Variants in SCEL observed in about 807,000 individuals in gnomAD.
The protein encoded by SCEL is sciellin.
Under a neutral mutation model 117.6 loss-of-function variants are expected in SCEL, and 113 were observed. That is an observed-to-expected ratio of 0.96 (90% CI 0.83 to 1.12). The LOEUF (loss-of-function observed/expected upper bound fraction) is 1.12. Among genes scored for constraint, SCEL ranks in the 50% most tolerant of loss-of-function variants. SCEL has a pLI of 0.00. For synonymous variants in SCEL, 270 were observed against 256.2 expected (o/e 1.05, Z -0.51); for missense variants, 785 against 810.8 (o/e 0.97, Z 0.39).
Position 77,628,669 on chromosome 13 carries a change from T to C in SCEL, c.1691+660T>C, listed in dbSNP as rs138752560. 4.6e-5 allele frequency among the ~76,000 whole-genome samples: 7 copies of C among 152,282 alleles called. No homozygotes were observed. The East Asian group carries it at 9.6e-4, about 21-fold the overall frequency. ...GAATACTAAACACAATAGGTTACCATTTTCACCTTCATAGGTGCAGTTACC... is the reference window on the plus strand; with the variant it reads ...GAATACTAAACACAATAGGTTACCACTTTCACCTTCATAGGTGCAGTTACC... On this transcript the variant is annotated intron_variant, in intron 28 of 32. Transcript: ENST00000349847.
chr13:77,596,356 C>T, intron 12 of SCEL, among the ~76,000 whole-genome samples: 1 of 151,744 alleles, frequency 6.6e-6, no homozygotes, highest in Non-Finnish European at 1.5e-5. Flanking sequence ...GTATAGCAAG[C>T]ATTTATTAAA....
Position 77,640,753 on chromosome 13 carries a change from T to C in SCEL, c.1916T>C (p.Leu639Ser), listed in dbSNP as rs750774718. ...GAAACTAAAATGATTTTAGATGAAT[T>C]ACAAATTTGCTGCCATTCTACTTGC... is the stretch of plus-strand genomic sequence containing the variant. The part of the protein sequence containing the change: ...GVETKMILDE[L>S]QICCHSTCFK... The change falls in exon 31 of 33, where the codon TTA becomes TCA. Residue 639 changes from leucine (L) to serine (S), a missense_variant. Coordinates refer to ENST00000349847, the MANE Select transcript of SCEL (RefSeq NM_144777.3). 6 of 1,601,828 alleles carry C rather than the reference T, an allele frequency of 3.7e-6. No individual in the cohort carries two copies. In the South Asian group the frequency reaches 6.7e-5, roughly 18 times the overall value.
Position 77,557,162 on chromosome 13 carries a change from C to T in SCEL, c.161+449C>T, listed in dbSNP as rs2084707872. Reference sequence around the variant, plus strand: ...CAAGAGAAATTTAAAAAATTACCGACTTATTTTAGTTCCATCTACTTCTAA... The same window carrying T: ...CAAGAGAAATTTAAAAAATTACCGATTTATTTTAGTTCCATCTACTTCTAA... On this transcript the variant is annotated intron_variant, in intron 3 of 32. Coordinates refer to ENST00000349847, the MANE Select transcript of SCEL (RefSeq NM_144777.3). 1.3e-5 allele frequency among the ~76,000 whole-genome samples: 2 copies of T among 152,114 alleles called. 1 individual carries two copies. Among genetic ancestry groups the T allele is most frequent in the South Asian group, 4.1e-4 (2 of 4,830 alleles).
chr13:77,539,755 C>T (rs1476086748), intron 1 of SCEL, among the ~76,000 whole-genome samples: 1 of 152,064 alleles, frequency 6.6e-6, no homozygotes, highest in African/African-American at 2.4e-5. Context: ...AGGATGGTCT[C>T]GATCTCCTGA....
chr13:77,560,632 A>T (rs565777370), intron 4 of SCEL, among the ~76,000 whole-genome samples: 12 of 152,334 alleles, frequency 7.9e-5, no homozygotes, highest in Admixed American at 5.9e-4. Context: ...ATCAAAGCAA[A>T]TTAGTAGAAA....
intron 27 of SCEL, among the ~76,000 whole-genome samples, chr13:77,618,866 A>T (rs1375120154): frequency 6.6e-6 from 1 of 152,186 alleles, no homozygotes; most frequent in East Asian, 1.9e-4. Context: ...AATATTCATG[A>T]TCTTCAAAAT....
Position 77,645,083 on chromosome 13 carries a change from T to C in SCEL, c.*809T>C, listed in dbSNP as rs556767782. 4.0e-5 allele frequency: 5 copies of C among 126,140 alleles called. No individual in the cohort carries two copies. Among genetic ancestry groups the C allele is most frequent in the African/African-American group, 9.5e-5 (3 of 31,622 alleles). The allele number at this position is 126,140 out of a possible 1,614,324, so 7.8% of individuals were successfully genotyped here. ...AAATATGACATGTATAGCTTACATG[T>C]TATTATTTGTTAAATTTTCTTTGTA... On this transcript the variant is annotated 3_prime_UTR_variant, in exon 33 of 33. Coordinates refer to ENST00000349847, the MANE Select transcript of SCEL (RefSeq NM_144777.3).
chr13:77,602,302 G>A, intron 16 of SCEL, 178 bp downstream of exon 16: 1 of 520,318 alleles, frequency 1.9e-6, no homozygotes, highest in Middle Eastern at 3.0e-4. Flanking sequence ...CCTCTGATTT[G>A]AGTTACATTG....
At chr13:77,561,591 G>A (rs2084979269) in intron 4 of SCEL, among the ~76,000 whole-genome samples, 2 of 152,202 alleles carry the variant, frequency 1.3e-5, no homozygotes, top group Non-Finnish European at 2.9e-5. Flanking sequence ...CAGCCACTTT[G>A]GAGCACCTGC....
chr13:77,624,131 G>A (rs2089590364), intron 27 of SCEL, among the ~76,000 whole-genome samples: 2 of 138,016 alleles, frequency 1.4e-5, no homozygotes, highest in South Asian at 2.3e-4. Flanking sequence ...TTGAGATGGA[G>A]TCTCACCCTC....
chr13:77,624,198 C>T (rs151002635), intron 27 of SCEL, among the ~76,000 whole-genome samples: 24 of 151,406 alleles, frequency 1.6e-4, no homozygotes, highest in African/African-American at 5.1e-4. Context: ...TCCTCCTCCC[C>T]CAGTTCACAC....
chr13:77,572,179 A>G lies in SCEL; in HGVS notation c.535A>G (p.Thr179Ala). 6.2e-7 allele frequency: 1 copy of G among 1,611,322 alleles called. No individual in the cohort carries two copies. Among genetic ancestry groups the G allele is most frequent in the South Asian group, 1.1e-5 (1 of 90,568 alleles). ...TTACAATGCCTCCTCGAGCACAGGA[A>G]CCAGGAGACGGTAAGGGAAAGGTGT... Reference protein sequence around the residue: ...PGYNASSSTGTRRREPGVHPP... With the variant: ...PGYNASSSTGARRREPGVHPP... Residue 179 changes from threonine (T) to alanine (A), a missense_variant, in exon 9 of 33, where the codon ACC (threonine) becomes GCC (alanine). Thr to Ala is a moderately conservative substitution (Grantham distance 58). Transcript: ENST00000349847.
chr13:77,593,295 T>TGTGTGTGTGTGTGTGC (rs796907419), intron 11 of SCEL, among the ~76,000 whole-genome samples: 1 of 136,784 alleles, frequency 7.3e-6, no homozygotes, highest in Non-Finnish European at 1.6e-5. Context: ...TGTGTGTGTG[T>TGTGTGTGTGTGTGTGC]GTCTGTGTGT....
chr13:77,584,207 G>A (rs1223783145), intron 9 of SCEL, among the ~76,000 whole-genome samples: 2 of 151,990 alleles, frequency 1.3e-5, no homozygotes, highest in East Asian at 1.9e-4. Flanking sequence ...TTCCTGCCTC[G>A]CTCTTGCATT....
At chr13:77,560,041 C>T (rs2084886545) in intron 4 of SCEL, among the ~76,000 whole-genome samples, 178 bp downstream of exon 4, 1 of 152,138 alleles carries the variant, frequency 6.6e-6, no homozygotes, top group Non-Finnish European at 1.5e-5. Flanking sequence ...CTCTGCCTCT[C>T]CAGAACCATG....
At chr13:77,564,111 T>C (rs2085145771) in intron 5 of SCEL, among the ~76,000 whole-genome samples, 1 of 152,132 alleles carries the variant, frequency 6.6e-6, no homozygotes, top group Admixed American at 6.6e-5. Context: ...TAATAGTAGA[T>C]TGATATGAAA....
intron 3 of SCEL, among the ~76,000 whole-genome samples, chr13:77,558,355 G>C (rs902703009): frequency 6.6e-6 from 1 of 152,126 alleles, no homozygotes; most frequent in African/African-American, 2.4e-5. Context: ...ATAAAAACAT[G>C]TCTGGTATCT....
intron 23 of SCEL, among the ~76,000 whole-genome samples, chr13:77,613,310 T>G (rs2088799749): frequency 1.3e-5 from 2 of 152,184 alleles, no homozygotes; most frequent in Admixed American, 1.3e-4. Context: ...GGGATTAATA[T>G]TTAAATGACT....
At chr13:77,624,191 T>A (rs1472817410) in intron 27 of SCEL, among the ~76,000 whole-genome samples, 1 of 145,628 alleles carries the variant, frequency 6.9e-6, no homozygotes, top group African/African-American at 2.5e-5. Context: ...TGCAGCCTCC[T>A]CCTCCCCCAG....
Sources: gnomAD v4.1 joint callset for allele counts (sites outside exome capture counted in the v4.1 genomes callset) on GRCh38, gnomAD v4.1.1 for gene constraint, MANE v1.5 for transcripts, NCBI Gene and HGNC (gene_info 2026-07-23, HGNC 2026-07-21) for gene names.